Variants in TTC19 observed in about 807,000 individuals in gnomAD.
TTC19 encodes tetratricopeptide repeat domain 19, also known as tetratricopeptide repeat protein 19, mitochondrial.
A neutral mutation model predicts 49.5 loss-of-function variants in TTC19; 38 were observed. The observed-to-expected ratio is 0.77, with a 90% CI of 0.59 to 1.01. The LOEUF is 1.01. Among genes scored for constraint, TTC19 ranks in the 50% least tolerant of loss-of-function variants. TTC19 has a pLI of 0.00. For missense variants in TTC19, 475 were observed against 477.7 expected, an observed-to-expected ratio of 0.99 and a Z score of 0.05; for synonymous variants, 204 against 185.2, an observed-to-expected ratio of 1.10 and a Z score of -0.83.
chr17:16,015,064 TTTGTACTATTATGTTTGTA>T (rs1971174169), intron 7 of TTC19, among the ~76,000 whole-genome samples: 1 of 152,214 alleles, frequency 6.6e-6, no homozygotes, highest in South Asian at 2.1e-4. Context: ...TATTGTATTG[TTTGTACTATTATGTTTGTA>T]TTATTTGTTA....
At chr17:16,008,621 C>T (rs1465675738) in intron 7 of TTC19, among the ~76,000 whole-genome samples, 1 of 152,168 alleles carries the variant, frequency 6.6e-6, no homozygotes, top group Non-Finnish European at 1.5e-5. Context: ...TGGGCCCACC[C>T]ACCTCTTCCA....
intron 2 of TTC19, 175 bp downstream of exon 2, chr17:16,000,420 T>A (rs750642962): frequency 1.4e-6 from 2 of 1,459,830 alleles, no homozygotes; most frequent in Non-Finnish European, 9.1e-7. Flanking sequence ...CCATCCAGGC[T>A]TTTCCGACTC....
At chr17:16,026,095 A>C (rs1263151999) in intron 8 of TTC19, among the ~76,000 whole-genome samples, 1 of 152,110 alleles carries the variant, frequency 6.6e-6, no homozygotes, top group African/African-American at 2.4e-5. Context: ...TCTTCCTAAA[A>C]TAGATGGTGT....
intron 7 of TTC19, among the ~76,000 whole-genome samples, chr17:16,021,214 C>T (rs1199324074): frequency 1.3e-5 from 2 of 152,122 alleles, no homozygotes; most frequent in East Asian, 1.9e-4. Context: ...TGTGAAACCC[C>T]GTCTCTAATA....
At chr17:16,039,010 C>G (rs1022235180) in intron 2 of TTC19, among the ~76,000 whole-genome samples, 3 of 152,226 alleles carry the variant, frequency 2.0e-5, no homozygotes, top group African/African-American at 7.2e-5. Context: ...ACCTTGTGAT[C>G]CGCCCGCCTC....
chr17:16,003,217 A>G (rs1970793700), intron 4 of TTC19, among the ~76,000 whole-genome samples: 1 of 152,220 alleles, frequency 6.6e-6, no homozygotes, highest in South Asian at 2.1e-4. Flanking sequence ...TCATATGACC[A>G]TATCTAACTT....
chr17:16,034,960 A>C lies in TTC19; in HGVS notation c.247+8258A>C, dbSNP rs751501930. 9.9e-6 allele frequency: 16 copies of C among 1,612,372 alleles called. No individual in the cohort carries two copies. In the South Asian group the frequency reaches 1.8e-4, roughly 18 times the overall value. On this transcript the variant is annotated intron_variant, in intron 2 of 2. Transcript: ENST00000470649. Reference sequence around the variant, plus strand: ...CAAACTCCTCCTGAAAGTGAAATTCAAGTTAAAGTATTAATATATTAAGTT... The same window carrying C: ...CAAACTCCTCCTGAAAGTGAAATTCCAGTTAAAGTATTAATATATTAAGTT...
intron 2 of TTC19, chr17:16,034,781 G>A (rs374255995): frequency 1.7e-5 from 27 of 1,612,970 alleles, no homozygotes; most frequent in Non-Finnish European, 2.3e-5. Flanking sequence ...AAGAGGGCCT[G>A]TCTTCCCAGG....
Position 16,020,578 on chromosome 17 carries a change from C to A in TTC19, c.677-4439C>A, listed in dbSNP as rs930208828. On this transcript the variant is annotated intron_variant, in intron 7 of 9. Transcript: ENST00000261647. ...TCTCTATATTGGGTTTTCATAGATTCATGGGGTGCTAATGTTTAAATCTGT... is the reference window on the plus strand; with the variant it reads ...TCTCTATATTGGGTTTTCATAGATTAATGGGGTGCTAATGTTTAAATCTGT... 2.0e-5 allele frequency among the ~76,000 whole-genome samples: 3 copies of A among 152,094 alleles called. No individual in the cohort carries two copies. The South Asian group carries it at 6.2e-4, about 32-fold the overall frequency.
Position 16,026,520 on chromosome 17 carries a change from GT to G in TTC19, c.832-14del. On this transcript the variant is annotated intron_variant, in intron 8 of 9. Transcript: ENST00000261647. ...AAGGCATGTTTTTAAAGAAAAAATT[GT>G]TTTTTCTTTTACATACAGACCATTG... 1 of 1,612,806 alleles carries G rather than the reference GT, an allele frequency of 6.2e-7. No homozygotes were observed. Among genetic ancestry groups the G allele is most frequent in the Non-Finnish European group, 8.5e-7 (1 of 1,179,288 alleles).
At chr17:16,042,990 C>T (rs559475826) in intron 2 of TTC19, among the ~76,000 whole-genome samples, 1 of 152,142 alleles carries the variant, frequency 6.6e-6, no homozygotes, top group Non-Finnish European at 1.5e-5. Context: ...GAGAAAGGGG[C>T]TAAGAAGTGA....
chr17:16,044,951 G>T, exon 3 of TTC19: 12 of 518,820 alleles, frequency 2.3e-5, no homozygotes, highest in East Asian at 1.2e-4. Flanking sequence ...GCTTTTGGTT[G>T]TTTTGACTAA....
Position 16,000,197 on chromosome 17 carries a change from G to A in TTC19, c.264G>A (p.Gly88=), listed in dbSNP as rs967607627. Residue 88 remains glycine (G), a synonymous_variant, in exon 2 of 10, where the codon GGG becomes GGA. Transcript: ENST00000261647. ...QGADGAAAED[G]ADEAEAEIIQ... ...CCGACGGGGCCGCTGCCGAGGACGGGGCGGACGAGGCCGAGGCAGAGATCA... is the reference window on the plus strand; with the variant it reads ...CCGACGGGGCCGCTGCCGAGGACGGAGCGGACGAGGCCGAGGCAGAGATCA... 38 of 1,594,374 alleles carry A rather than the reference G, an allele frequency of 2.4e-5. No homozygotes were observed. The highest frequency in any genetic ancestry group is 3.1e-5 in the Non-Finnish European group (37 of 1,178,916).
chr17:16,032,843 G>T (rs560594534), downstream of TTC19, among the ~76,000 whole-genome samples: 2 of 152,230 alleles, frequency 1.3e-5, no homozygotes, highest in African/African-American at 4.8e-5. Context: ...CAAGAGAAAT[G>T]CAAGAGTATA....
At position 16,027,748 on chromosome 17, in the gene TTC19, T is replaced by C. The variant is rs73981412; in HGVS notation, c.*226T>C. On this transcript the variant is annotated 3_prime_UTR_variant, in exon 10 of 10. Transcript: ENST00000261647. ...TATGACCTTTCAGGATGTCGTCAAG[T>C]GATGCTTTCAGTTGTAACACGTGAC... is the stretch of plus-strand genomic sequence containing the variant. 3,942 of 606,076 alleles carry C rather than the reference T, an allele frequency of 6.5e-3. 121 individuals are homozygous for C. The African/African-American group carries it at 0.065, about 10-fold the overall frequency. The allele number at this position is 606,076 out of a possible 1,614,324, so 37.5% of individuals were successfully genotyped here.
At position 16,028,789 on chromosome 17, in the gene TTC19, G is replaced by A. The variant is rs1250777301; in HGVS notation, c.*1267G>A. 2.5e-6 allele frequency: 1 copy of A among 395,104 alleles called. No individual in the cohort carries two copies. Among genetic ancestry groups the A allele is most frequent in the East Asian group, 8.1e-5 (1 of 12,324 alleles). 24.5% of individuals were successfully genotyped at this position (395,104 alleles called of 1,614,324 possible). A position where few individuals can be genotyped will look rare whatever the true frequency, so the allele number is the denominator to read the frequency against. On this transcript the variant is annotated 3_prime_UTR_variant, in exon 10 of 10. Coordinates refer to ENST00000261647, the MANE Select transcript of TTC19 (RefSeq NM_017775.4). ...ATAAATGAGACTACACAACAATATT[G>A]TATGTATCCCAGTAATCTTTGCATT... is the stretch of plus-strand genomic sequence containing the variant.
intron 2 of TTC19, chr17:16,040,244 C>G (rs1207091123): frequency 3.0e-6 from 2 of 677,014 alleles, no homozygotes; most frequent in Non-Finnish European, 5.4e-6. Context: ...GTTCATTTAT[C>G]TTTTCAATAG....
intron 7 of TTC19, among the ~76,000 whole-genome samples, chr17:16,010,307 G>A (rs535784180): frequency 1.1e-4 from 17 of 149,938 alleles, no homozygotes; most frequent in Admixed American, 1.0e-3. Flanking sequence ...CCGAGTAGCC[G>A]GGACTACAGG....
intron 6 of TTC19, 95 bp from the exon 7 acceptor site, chr17:16,006,379 C>T: frequency 1.1e-6 from 1 of 925,988 alleles, no homozygotes. Flanking sequence ...CATTGCACTC[C>T]AGCCTGGGCA....
Sources: allele counts gnomAD v4.1 joint callset (sites outside exome capture counted in the v4.1 genomes callset), GRCh38; gene constraint gnomAD v4.1.1; transcripts MANE v1.5; gene names NCBI Gene and HGNC (gene_info 2026-07-23, HGNC 2026-07-21).